The following PCDHA10 variants were observed in gnomAD, a reference collection of about 807,000 sequenced individuals.
The protein encoded by PCDHA10 is protocadherin alpha 10.
PCDHA10 carries 45 observed loss-of-function variants against 61.2 expected under a neutral mutation model. The observed-to-expected ratio is 0.74, with a 90% CI of 0.58 to 0.94. The LOEUF is 0.94. Ranked by LOEUF, PCDHA10 falls within the 40% of genes least tolerant of loss-of-function variation. The pLI, the probability that PCDHA10 is intolerant of heterozygous loss-of-function variation, is 0.00. For synonymous variants in PCDHA10, 602 were observed against 548.8 expected (o/e 1.10, Z -1.35); for missense variants, 1,278 against 1,236.2 (o/e 1.03, Z -0.51).
chr5:140,873,534 T>C (rs1274405604), intron 1 of PCDHA10, among the ~76,000 whole-genome samples: 1 of 152,184 alleles, frequency 6.6e-6, no homozygotes, highest in Non-Finnish European at 1.5e-5. Context: ...CATTCTATGG[T>C]ATAAAATTAT....
intron 1 of PCDHA10, among the ~76,000 whole-genome samples, chr5:140,937,417 A>T (rs1226073587): frequency 5.3e-5 from 8 of 152,154 alleles, no homozygotes; most frequent in African/African-American, 1.9e-4. Context: ...CTTTTATTAG[A>T]TAGCTGATAT....
intron 1 of PCDHA10, chr5:140,861,513 T>C: frequency 2.1e-6 from 1 of 470,750 alleles, no homozygotes; most frequent in East Asian, 6.2e-5. Flanking sequence ...CGAGGAGCTG[T>C]GTGGGAGGAT....
intron 1 of PCDHA10, among the ~76,000 whole-genome samples, chr5:140,898,193 A>G (rs1352716396): frequency 1.7e-4 from 26 of 152,114 alleles, no homozygotes; most frequent in African/African-American, 5.3e-4. Flanking sequence ...CTTTAGTTTA[A>G]TTAGATCCCA....
intron 1 of PCDHA10, chr5:140,861,475 G>C: frequency 4.1e-6 from 2 of 492,480 alleles, no homozygotes; most frequent in South Asian, 1.6e-5. Flanking sequence ...CTGCAGAATG[G>C]CATTTTTGTG....
chr5:140,871,327 C>G (rs782093100), intron 1 of PCDHA10: 12 of 1,614,102 alleles, frequency 7.4e-6, no homozygotes, highest in Admixed American at 1.7e-5. Context: ...GGTGTGCTCC[C>G]GCGCGGTGGG....
chr5:140,883,109 T>A (rs782237873), intron 1 of PCDHA10: 1 of 1,613,962 alleles, frequency 6.2e-7, no homozygotes, highest in Non-Finnish European at 8.5e-7. Context: ...AGTTTACTCA[T>A]TTAGAAGGCC....
At chr5:140,915,716 C>T (rs2077274657) in intron 1 of PCDHA10, among the ~76,000 whole-genome samples, 1 of 152,024 alleles carries the variant, frequency 6.6e-6, no homozygotes, top group East Asian at 1.9e-4. Context: ...GTGGCCCCCA[C>T]TTTGGATTGT....
At chr5:140,909,038 A>C (rs1396337089) in intron 1 of PCDHA10, among the ~76,000 whole-genome samples, 1 of 152,126 alleles carries the variant, frequency 6.6e-6, no homozygotes, top group African/African-American at 2.4e-5. Context: ...TTTATTTTCC[A>C]TACTCTGGCA....
chr5:140,875,002 T>C (rs1441765842), intron 1 of PCDHA10, among the ~76,000 whole-genome samples: 2 of 152,238 alleles, frequency 1.3e-5, no homozygotes, highest in African/African-American at 4.8e-5. Context: ...TCATTTTCCA[T>C]GATAAAGTGT....
chr5:140,875,335 C>A, intron 1 of PCDHA10: 2 of 1,438,768 alleles, frequency 1.4e-6, no homozygotes, highest in East Asian at 2.5e-5. Context: ...GGAATAGGAT[C>A]GACTCCATAA....
At chr5:141,005,352 GGAATGTCATA>G (rs1261780276) in intron 3 of PCDHA10, among the ~76,000 whole-genome samples, 2 of 152,178 alleles carry the variant, frequency 1.3e-5, no homozygotes, top group Non-Finnish European at 2.9e-5. Flanking sequence ...TGCTTGGCTA[GGAATGTCATA>G]GAATGCCTTT....
chr5:140,991,844 C>T (rs892318388), intron 3 of PCDHA10, among the ~76,000 whole-genome samples: 2 of 152,334 alleles, frequency 1.3e-5, no homozygotes, highest in Middle Eastern at 6.8e-3. Flanking sequence ...AACCGCACTT[C>T]CAGATACCAA....
chr5:141,004,336 G>A (rs1554259546), intron 3 of PCDHA10, among the ~76,000 whole-genome samples: 1 of 152,224 alleles, frequency 6.6e-6, no homozygotes, highest in East Asian at 1.9e-4. Flanking sequence ...AGGCACAGTG[G>A]TCTGTGAGGG....
Position 140,886,842 on chromosome 5 carries a change from A to AG in PCDHA10, c.2388+28406_2388+28407insG, listed in dbSNP as rs1190647876. ...ACTTCGTCTTGAAAAAAAAAAAAAA[A>AG]AAAAAGAAAGGTCTTCCCAACTCCT... is the stretch of plus-strand genomic sequence containing the variant. On this transcript the variant is annotated intron_variant, in intron 1 of 3. Coordinates refer to ENST00000307360, the MANE Select transcript of PCDHA10 (RefSeq NM_018901.4). 2.4e-3 allele frequency among the ~76,000 whole-genome samples: 362 copies of AG among 151,632 alleles called. 2 individuals are homozygous for AG. Among genetic ancestry groups the AG allele is most frequent in the Middle Eastern group, 0.014 (4 of 292 alleles).
rs782525734 is a variant in PCDHA10 at position 140,884,093 on chromosome 5, T to A, written c.2388+25657T>A. 3.1e-6 allele frequency: 5 copies of A among 1,613,500 alleles called. No homozygotes were observed. In the Admixed American group the frequency reaches 8.3e-5, roughly 27 times the overall value. ...TTCGGGCTACAATGCGTGGCTTTCGTATGAATTGCAGCTGGCGGCGGTCGG... is the reference window on the plus strand; with the variant it reads ...TTCGGGCTACAATGCGTGGCTTTCGAATGAATTGCAGCTGGCGGCGGTCGG... On this transcript the variant is annotated intron_variant, in intron 1 of 3. Coordinates refer to ENST00000307360, the MANE Select transcript of PCDHA10 (RefSeq NM_018901.4).
At position 140,960,310 on chromosome 5, in the gene PCDHA10, C is replaced by A. The variant is rs143765051; in HGVS notation, c.2389-18639C>A. Among the ~76,000 whole-genome samples, 659 of 152,264 alleles carry A rather than the reference C, an allele frequency of 4.3e-3. 9 individuals are homozygous for A. Among genetic ancestry groups the A allele is most frequent in the Admixed American group, 4.1e-3 (63 of 15,288 alleles). ...CCAGTTTCTTCATCAATACCAACCTCATTAGGGTCCTGTGAGAAGTACATG... is the reference window on the plus strand; with the variant it reads ...CCAGTTTCTTCATCAATACCAACCTAATTAGGGTCCTGTGAGAAGTACATG... On this transcript the variant is annotated intron_variant, in intron 1 of 3. Transcript: ENST00000307360.
At chr5:140,888,488 C>T (rs1257053839) in intron 1 of PCDHA10, among the ~76,000 whole-genome samples, 2 of 152,204 alleles carry the variant, frequency 1.3e-5, no homozygotes, top group African/African-American at 2.4e-5. Context: ...TGTTGAGAAA[C>T]TCTGCTTTAA....
chr5:140,933,666 T>C (rs1334972770), intron 1 of PCDHA10, among the ~76,000 whole-genome samples: 3 of 152,046 alleles, frequency 2.0e-5, no homozygotes, highest in Non-Finnish European at 4.4e-5. Context: ...TCTCTCTCTG[T>C]CTCTCTCACA....
chr5:140,883,532 G>C, intron 1 of PCDHA10: 2 of 1,614,220 alleles, frequency 1.2e-6, no homozygotes, highest in Non-Finnish European at 1.7e-6. Context: ...ATCAGCCTAT[G>C]AACTGGTGGT....
Sources: gnomAD v4.1 joint callset for allele counts (sites outside exome capture counted in the v4.1 genomes callset) on GRCh38, gnomAD v4.1.1 for gene constraint, MANE v1.5 for transcripts, NCBI Gene and HGNC (gene_info 2026-07-23, HGNC 2026-07-21) for gene names.